Variants in SH3GL2 observed in about 807,000 individuals in gnomAD.
SH3GL2 encodes endophilin-A1.
In SH3GL2, 24 loss-of-function variants were observed where a neutral mutation model predicts 46.0. That is an observed-to-expected ratio of 0.52 (90% CI 0.38 to 0.73). The LOEUF is 0.73. Among genes scored for constraint, SH3GL2 ranks in the 30% least tolerant of loss-of-function variants. The pLI, the probability that SH3GL2 is intolerant of heterozygous loss-of-function variation, is 0.00. For synonymous variants in SH3GL2, 196 were observed against 147.1 expected, an observed-to-expected ratio of 1.33 and a Z score of -2.40; for missense variants, 413 against 424.2, an observed-to-expected ratio of 0.97 and a Z score of 0.23.
chr9:17,726,878 C>T (rs1052365464), intron 1 of SH3GL2, among the ~76,000 whole-genome samples: 9 of 152,048 alleles, frequency 5.9e-5, no homozygotes, highest in East Asian at 1.9e-4. Flanking sequence ...ATAACTCCTT[C>T]GGGGAGGAAT....
At chr9:17,642,743 T>C (rs563626273) in intron 1 of SH3GL2, among the ~76,000 whole-genome samples, 1 of 152,236 alleles carries the variant, frequency 6.6e-6, no homozygotes, top group Non-Finnish European at 1.5e-5. Flanking sequence ...CCATACTGTT[T>C]TGGTTACTGT....
chr9:17,795,990 G>C lies in SH3GL2; in HGVS notation c.*247G>C, dbSNP rs1313420952. 3 of 511,448 alleles carry C rather than the reference G, an allele frequency of 5.9e-6. No homozygotes were observed. The highest frequency in any genetic ancestry group is 1.1e-5 in the Non-Finnish European group (3 of 284,672). The allele number at this position is 511,448 out of a possible 1,614,324, so 31.7% of individuals were successfully genotyped here. ...CATCTGAGACCAGCCAGTAGTCACA[G>C]AACTGCTGTTTACACAGTTCTCAGG... On this transcript the variant is annotated 3_prime_UTR_variant, in exon 9 of 9. Transcript: ENST00000380607.
At chr9:17,656,329 A>G (rs1820076623) in intron 1 of SH3GL2, among the ~76,000 whole-genome samples, 2 of 152,116 alleles carry the variant, frequency 1.3e-5, no homozygotes, top group South Asian at 4.1e-4. Flanking sequence ...TTAACCAACT[A>G]ATGTATCATA....
intron 1 of SH3GL2, among the ~76,000 whole-genome samples, chr9:17,582,506 T>C (rs1009150939): frequency 9.2e-5 from 14 of 152,236 alleles, no homozygotes. Flanking sequence ...TAAAAATAGC[T>C]GTTTCCAGTG....
Position 17,729,946 on chromosome 9 carries a change from C to G in SH3GL2, c.46-17120C>G, listed in dbSNP as rs150281336. On this transcript the variant is annotated intron_variant, in intron 1 of 8. Coordinates refer to ENST00000380607, the MANE Select transcript of SH3GL2 (RefSeq NM_003026.5). ...TAGGATTGTCTTGGCTATACGGGCT[C>G]TTTTTTTGGTTCCATATGACATTTA... Among the ~76,000 whole-genome samples, 153 of 151,088 alleles carry G rather than the reference C, an allele frequency of 1.0e-3. No individual in the cohort carries two copies. In the East Asian group the frequency reaches 0.028, roughly 27 times the overall value.
chr9:17,758,879 G>A (rs1216635841), intron 2 of SH3GL2, among the ~76,000 whole-genome samples: 1 of 152,132 alleles, frequency 6.6e-6, no homozygotes, highest in Non-Finnish European at 1.5e-5. Flanking sequence ...CTTTAGACAA[G>A]TCACAAGGGA....
At chr9:17,688,905 C>T (rs1365724002) in intron 1 of SH3GL2, among the ~76,000 whole-genome samples, 2 of 152,048 alleles carry the variant, frequency 1.3e-5, no homozygotes, top group Non-Finnish European at 2.9e-5. Context: ...GCACTCTGTT[C>T]TAGCATACCT....
chr9:17,768,132 G>A (rs2131160467), intron 3 of SH3GL2, among the ~76,000 whole-genome samples: 1 of 152,162 alleles, frequency 6.6e-6, no homozygotes, highest in East Asian at 1.9e-4. Context: ...AGCACTTTGG[G>A]AGGCCGAGGT....
intron 2 of SH3GL2, among the ~76,000 whole-genome samples, chr9:17,758,488 G>A (rs1823068421): frequency 6.8e-6 from 1 of 147,002 alleles, no homozygotes. Context: ...CTTGAACCTG[G>A]GAGGAGGAGG....
chr9:17,664,688 A>C (rs992623047), intron 1 of SH3GL2, among the ~76,000 whole-genome samples: 4 of 151,326 alleles, frequency 2.6e-5, no homozygotes, highest in Admixed American at 2.0e-4. Flanking sequence ...AGTATATAGA[A>C]ATATTCTATA....
At chr9:17,601,034 C>A (rs1355634608) in intron 1 of SH3GL2, among the ~76,000 whole-genome samples, 8 of 152,128 alleles carry the variant, frequency 5.3e-5, no homozygotes, top group Admixed American at 5.2e-4. Flanking sequence ...GTCAGTGTGT[C>A]CCTCAGCATT....
At chr9:17,724,330 A>G (rs962586813) in intron 1 of SH3GL2, among the ~76,000 whole-genome samples, 1 of 152,170 alleles carries the variant, frequency 6.6e-6, no homozygotes, top group African/African-American at 2.4e-5. Context: ...TGACTCTTTT[A>G]GAAAATAATT....
rs374795447 is a variant in SH3GL2, at chr9:17,632,676, TTC to T, written c.45+53391_45+53392del. 7.2e-4 allele frequency among the ~76,000 whole-genome samples: 109 copies of T among 152,300 alleles called. 1 individual carries two copies. Among genetic ancestry groups the T allele is most frequent in the African/African-American group, 2.2e-3 (92 of 41,562 alleles). On this transcript the variant is annotated intron_variant, in intron 1 of 8. Coordinates refer to ENST00000380607, the MANE Select transcript of SH3GL2 (RefSeq NM_003026.5). Reference sequence around the variant, plus strand: ...TTGTTTTTATGGCCCTGAAATAACATTCTGTTTTATACTTGTAGAAATAGTTT... The same window carrying T: ...TTGTTTTTATGGCCCTGAAATAACATTGTTTTATACTTGTAGAAATAGTTT...
At chr9:17,601,685 C>A (rs1419962927) in intron 1 of SH3GL2, among the ~76,000 whole-genome samples, 1 of 152,134 alleles carries the variant, frequency 6.6e-6, no homozygotes, top group Non-Finnish European at 1.5e-5. Context: ...GTGAGTGGTT[C>A]AATAACATTG....
chr9:17,609,065 G>A (rs1818813280), intron 1 of SH3GL2, among the ~76,000 whole-genome samples: 1 of 152,150 alleles, frequency 6.6e-6, no homozygotes, highest in Admixed American at 6.5e-5. Context: ...AGCTGATGAA[G>A]GCATGGTCCT....
chr9:17,738,571 T>TAGAG (rs1192417418), intron 1 of SH3GL2, among the ~76,000 whole-genome samples: 1 of 67,086 alleles, frequency 1.5e-5, no homozygotes, highest in African/African-American at 4.3e-5. Flanking sequence ...CATACATATA[T>TAGAG]ATATAGAGAG....
intron 1 of SH3GL2, among the ~76,000 whole-genome samples, chr9:17,626,180 T>A (rs921459332): frequency 6.6e-6 from 1 of 152,142 alleles, no homozygotes; most frequent in Admixed American, 6.5e-5. Context: ...CAGGTGTGGG[T>A]CTGGGACGGG....
rs10963199 is a variant in SH3GL2 at position 17,677,646 on chromosome 9, A to G, written c.46-69420A>G. ...ATGGTATATATATATATATATATTT[A>G]TACTTTAAGTTTTAGGGTACATGTG... On this transcript the variant is annotated intron_variant, in intron 1 of 8. Transcript: ENST00000380607. Among the ~76,000 whole-genome samples, 496 of 150,504 alleles carry G rather than the reference A, an allele frequency of 3.3e-3. 2 individuals are homozygous for G. Among genetic ancestry groups the G allele is most frequent in the Middle Eastern group, 0.01 (3 of 288 alleles).
chr9:17,603,294 T>G (rs1267230398), intron 1 of SH3GL2, among the ~76,000 whole-genome samples: 1 of 152,170 alleles, frequency 6.6e-6, no homozygotes, highest in Admixed American at 6.5e-5. Context: ...TGTGGAGAGA[T>G]AAATAGATAA....
Sources: gnomAD v4.1 joint callset for allele counts (sites outside exome capture counted in the v4.1 genomes callset) on GRCh38, gnomAD v4.1.1 for gene constraint, MANE v1.5 for transcripts, NCBI Gene and HGNC (gene_info 2026-07-23, HGNC 2026-07-21) for gene names.